The following TEX11 variants were observed in gnomAD, a reference collection of about 807,000 sequenced individuals.
TEX11 encodes the protein testis expressed 11, also known as testis-expressed protein 11.
Under a neutral mutation model 84.4 loss-of-function variants are expected in TEX11, and 7 were observed. The observed-to-expected ratio is 0.08, with a 90% CI of 0.05 to 0.16. The LOEUF is 0.16. Ranked by LOEUF, TEX11 falls within the 10% of genes least tolerant of loss-of-function variation. TEX11 has a pLI of 1.00. For missense variants in TEX11, 551 were observed against 660.5 expected, an observed-to-expected ratio of 0.83 and a Z score of 1.82; for synonymous variants, 264 against 222.8, an observed-to-expected ratio of 1.18 and a Z score of -1.64.
At chrX:70,583,818 A>G in intron 25 of TEX11, among the ~76,000 whole-genome samples, 1 of 111,893 alleles carries the variant, frequency 8.9e-6, no homozygotes, top group East Asian at 2.8e-4. Context: ...TCCATGGACA[A>G]CAGTGTGAAG....
At chrX:70,674,358 C>G (rs969714994) in intron 15 of TEX11, among the ~76,000 whole-genome samples, 1 of 111,873 alleles carries the variant, frequency 8.9e-6, no homozygotes, top group Non-Finnish European at 1.9e-5. Flanking sequence ...CTGCAATGAA[C>G]ATTTGCATGT....
chrX:70,720,098 T>A (rs1003683251), intron 13 of TEX11, among the ~76,000 whole-genome samples: 52 of 111,759 alleles, frequency 4.7e-4, no homozygotes, highest in African/African-American at 1.6e-3. Flanking sequence ...CTATTCACAA[T>A]AGGAAAGACT....
intron 20 of TEX11, among the ~76,000 whole-genome samples, chrX:70,614,129 T>C (rs755931670): frequency 1.6e-4 from 18 of 111,263 alleles, no homozygotes; most frequent in African/African-American, 5.9e-4. Flanking sequence ...ATGGCAGCTA[T>C]GGTGAGAGAC....
At chrX:70,694,322 C>T (rs886953736) in intron 13 of TEX11, among the ~76,000 whole-genome samples, 1 of 111,570 alleles carries the variant, frequency 9.0e-6, no homozygotes, top group African/African-American at 3.3e-5. Context: ...CTATTACAAG[C>T]GTGAGCCACC....
chrX:70,583,266 A>G (rs2088805495), intron 25 of TEX11, among the ~76,000 whole-genome samples: 1 of 110,039 alleles, frequency 9.1e-6, no homozygotes, highest in Non-Finnish European at 1.9e-5. Flanking sequence ...CCACCATCTC[A>G]CCCTTCCTAG....
In TEX11 at chrX:70,615,554, A is replaced by G. The variant is rs748399823; in HGVS notation, c.1752-5011T>C. On this transcript the variant is annotated intron_variant, in intron 20 of 29. Transcript: ENST00000374333. ...AAGATCTAGAAGACAGTTTTAAAAGAGCAAATGTAAGAGTTAATGGCCTTG... is the reference window on the plus strand; with the variant it reads ...AAGATCTAGAAGACAGTTTTAAAAGGGCAAATGTAAGAGTTAATGGCCTTG... 1.6e-3 allele frequency among the ~76,000 whole-genome samples: 174 copies of G among 112,127 alleles called. 1 individual carries two copies. The highest frequency in any genetic ancestry group is 5.5e-3 in the African/African-American group (170 of 30,938).
chrX:70,679,040 C>G, intron 14 of TEX11, 151 bp from the exon 15 acceptor site: 1 of 457,377 alleles, frequency 2.2e-6, no homozygotes, highest in Non-Finnish European at 3.6e-6. Flanking sequence ...GTACTGCTGC[C>G]TGATTCTCCT....
intron 9 of TEX11, among the ~76,000 whole-genome samples, chrX:70,762,826 G>C (rs113626241): frequency 0.13 from 14,387 of 110,276 alleles, 819 homozygotes; most frequent in Middle Eastern, 0.25. Flanking sequence ...TTGAGCTCAG[G>C]AGTCCGAGAC....
At position 70,743,871 on chromosome X, in the gene TEX11, A is replaced by AACACACAC. The variant is rs60520158; in HGVS notation, c.747+286_747+293dup. 7.0e-3 allele frequency among the ~76,000 whole-genome samples: 615 copies of AACACACAC among 87,716 alleles called. 4 individuals carry two copies. Among genetic ancestry groups the AACACACAC allele is most frequent in the East Asian group, 0.014 (37 of 2,598 alleles). 76.2% of individuals were successfully genotyped at this position (87,716 alleles called of 115,157 possible). On this transcript the variant is annotated intron_variant, in intron 10 of 29. Coordinates refer to ENST00000374333, the MANE Select transcript of TEX11 (RefSeq NM_031276.3). Reference sequence around the variant, plus strand: ...GCAACAGAGCGAGACTCTATCTCAAAACACACACACACACACACACACACA... The same window carrying AACACACAC: ...GCAACAGAGCGAGACTCTATCTCAAAACACACACACACACACACACACACACACACACA...
chrX:70,529,871 G>T lies in TEX11; in HGVS notation c.2649C>A (p.Asn883Lys). Residue 883 changes from asparagine to lysine, a missense_variant, in exon 29 of 30, where the codon AAC becomes AAA. Physicochemically the swap from Asn to Lys is moderately conservative, Grantham distance 94. Coordinates refer to ENST00000374333, the MANE Select transcript of TEX11 (RefSeq NM_031276.3). ...KWCGLALRFL[N>K]HLTSFKESYE... ...AGCTTTCCTTGAAGGAGGTAAGGTG[G>T]TTAAGGAAACGCAAGGCCAGGCCAC... The T allele has an allele frequency of 8.3e-7, 1 of 1,211,102 alleles. No individual in the cohort carries two copies. The highest frequency in any genetic ancestry group is 1.1e-6 in the Non-Finnish European group (1 of 895,317).
intron 3 of TEX11, among the ~76,000 whole-genome samples, chrX:70,875,455 A>G (rs2091650827): frequency 9.1e-6 from 1 of 109,488 alleles, no homozygotes; most frequent in Non-Finnish European, 1.9e-5. Context: ...AATAGTGGTC[A>G]TGGCCAGACA....
At chrX:70,799,619 A>G (rs1281158132) in intron 9 of TEX11, among the ~76,000 whole-genome samples, 3 of 111,792 alleles carry the variant, frequency 2.7e-5, no homozygotes, top group Non-Finnish European at 3.8e-5. Context: ...GACCACTTCC[A>G]CTTCTTGGTA....
At chrX:70,656,563 A>G (rs1043546308) in intron 16 of TEX11, among the ~76,000 whole-genome samples, 1 of 112,182 alleles carries the variant, frequency 8.9e-6, no homozygotes, top group Admixed American at 9.4e-5. Context: ...CAGCGTTTAT[A>G]ACAAAACTGA....
At chrX:70,795,689 T>C (rs761521149) in intron 9 of TEX11, among the ~76,000 whole-genome samples, 1 of 110,751 alleles carries the variant, frequency 9.0e-6, no homozygotes, top group African/African-American at 3.3e-5. Context: ...ACAAAGAGTC[T>C]CTGCTTGGTA....
At chrX:70,663,990 C>T (rs934320630) in intron 16 of TEX11, among the ~76,000 whole-genome samples, 1 of 111,699 alleles carries the variant, frequency 9.0e-6, no homozygotes, top group East Asian at 2.8e-4. Flanking sequence ...CCTAATGCAA[C>T]GTAAATGTTC....
chrX:70,900,947 A>AAAAG (rs2091800125), intron 2 of TEX11, among the ~76,000 whole-genome samples: 2 of 111,527 alleles, frequency 1.8e-5, no homozygotes, highest in African/African-American at 6.5e-5. Context: ...CTGCCTCAAA[A>AAAAG]AAAGAAAGAA....
At chrX:70,857,972 G>A (rs971917907) in intron 5 of TEX11, among the ~76,000 whole-genome samples, 1 of 110,933 alleles carries the variant, frequency 9.0e-6, no homozygotes, top group African/African-American at 3.3e-5. Context: ...ATCAAACATC[G>A]TATGTTCTCA....
At chrX:70,591,379 T>G (rs2088927508) in intron 25 of TEX11, among the ~76,000 whole-genome samples, 1 of 109,667 alleles carries the variant, frequency 9.1e-6, no homozygotes. Context: ...GGTGGGCAAA[T>G]CACTTGAGGT....
intron 9 of TEX11, among the ~76,000 whole-genome samples, chrX:70,790,044 A>G (rs147028562): frequency 1.3e-3 from 149 of 112,463 alleles, no homozygotes; most frequent in African/African-American, 4.3e-3. Flanking sequence ...AGAGTCAAAT[A>G]CCACATGTTT....
Sources: gnomAD v4.1 joint callset for allele counts (sites outside exome capture counted in the v4.1 genomes callset) on GRCh38, gnomAD v4.1.1 for gene constraint, MANE v1.5 for transcripts, NCBI Gene and HGNC (gene_info 2026-07-23, HGNC 2026-07-21) for gene names.